Variants in AP1M2 observed in about 807,000 individuals in gnomAD.
AP1M2 encodes adaptor related protein complex 1 subunit mu 2, also known as AP-1 complex subunit mu-2.
A neutral mutation model predicts 54.6 loss-of-function variants in AP1M2; 41 were observed. That is an observed-to-expected ratio of 0.75 (90% CI 0.59 to 0.97). The LOEUF (loss-of-function observed/expected upper bound fraction) is 0.97, where lower values mean the gene tolerates loss of function less well. Ranked by LOEUF, AP1M2 falls within the 50% of genes least tolerant of loss-of-function variation. The probability of loss-of-function intolerance (pLI) is 0.00; values close to 1 mark genes in which losing one functional copy is unlikely to be tolerated. For missense variants in AP1M2, 507 were observed against 561.2 expected (o/e 0.90, Z 0.98); for synonymous variants, 219 against 215.9 (o/e 1.01, Z -0.13).
intron 9 of AP1M2, among the ~76,000 whole-genome samples, chr19:10,575,743 T>C (rs1289065125): frequency 1.6e-5 from 2 of 126,198 alleles, no homozygotes; most frequent in African/African-American, 6.2e-5. Context: ...CTTGTATTTC[T>C]TTTTTCTTTT....
At position 10,574,930 on chromosome 19, in the gene AP1M2, G is replaced by T; in HGVS notation, c.1147C>A (p.Pro383Thr). The T allele has an allele frequency of 1.2e-6, 2 of 1,603,672 alleles. No homozygotes were observed. The highest frequency in any genetic ancestry group is 1.7e-6 in the Non-Finnish European group (2 of 1,174,432). ...TGGATCCCAGAGACGGTGAAGTAGGGGATCTCAAACTTGACCCCGATGGGG... is the reference window on the plus strand; with the variant it reads ...TGGATCCCAGAGACGGTGAAGTAGGTGATCTCAAACTTGACCCCGATGGGG... ...RPPIGVKFEI[P>T]YFTVSGIQVR... The change falls in exon 10 of 12, where the codon CCC becomes ACC. Residue 383 changes from proline (P) to threonine (T), a missense_variant. By Grantham distance (38) the Pro-to-Thr change is conservative. Transcript: ENST00000250244.
intron 6 of AP1M2, among the ~76,000 whole-genome samples, chr19:10,580,078 G>GA (rs1917387923): frequency 9.0e-6 from 1 of 110,826 alleles, no homozygotes; most frequent in African/African-American, 3.7e-5. Flanking sequence ...TTGAGACAGA[G>GA]TTTCACTCTT....
In AP1M2 at chr19:10,584,606, G is replaced by A. The variant is rs1917570476; in HGVS notation, c.43-536C>T. The stretch of plus-strand genomic sequence containing the variant: ...AAGAAGAAAGAGAGAAAGAAAGAAA[G>A]AAAGAAAGTAAAGAAGGAAGGGAGG... On this transcript the variant is annotated intron_variant, in intron 1 of 11. Coordinates refer to ENST00000250244, the MANE Select transcript of AP1M2 (RefSeq NM_005498.5). Among the ~76,000 whole-genome samples the A allele has an allele frequency of 2.0e-5, 3 of 151,024 alleles. No individual in the cohort carries two copies. The Admixed American group carries it at 2.0e-4, about 10-fold the overall frequency.
rs1351988478 is a variant in AP1M2, at chr19:10,573,024, T to C, written c.*42A>G. ...TCCCTCTAAAATCTGCATCCGGGGC[T>C]GTAAGGAAGCCCCGTGTTCAAGCCC... On this transcript the variant is annotated 3_prime_UTR_variant, in exon 12 of 12. Coordinates refer to ENST00000250244, the MANE Select transcript of AP1M2 (RefSeq NM_005498.5). 4 of 1,551,708 alleles carry C rather than the reference T, an allele frequency of 2.6e-6. No individual in the cohort carries two copies. The highest frequency in any genetic ancestry group is 3.9e-5 in the Admixed American group (2 of 51,562).
At chr19:10,576,093 GTT>G (rs35332266) in intron 9 of AP1M2, among the ~76,000 whole-genome samples, 2 of 135,154 alleles carry the variant, frequency 1.5e-5, no homozygotes, top group African/African-American at 5.5e-5. Flanking sequence ...TTTTTTCTAA[GTT>G]TTTTTTTTTT....
intron 9 of AP1M2, among the ~76,000 whole-genome samples, chr19:10,576,706 CTT>C (rs751510668): frequency 1.3e-4 from 18 of 136,344 alleles, no homozygotes; most frequent in Admixed American, 2.2e-4. Context: ...GCCTTTTAAT[CTT>C]TTTTTTTTTT....
chr19:10,580,044 G>GTTTTTTT (rs59349358), intron 6 of AP1M2, among the ~76,000 whole-genome samples, 186 bp from the exon 7 acceptor site: 4 of 71,192 alleles, frequency 5.6e-5, no homozygotes, highest in Non-Finnish European at 7.9e-5. Context: ...ATCTGGCTTG[G>GTTTTTTT]TTTTTTTTTT....
rs1350407976 is a variant in AP1M2, at chr19:10,587,250, T to C, written c.-19A>G. ...CGGACATGGTGGCGGCCGAAGGACT[T>C]AGGAGTCGGGGAGGGAGCGCCGGGA... On this transcript the variant is annotated 5_prime_UTR_variant, in exon 1 of 12. Coordinates refer to ENST00000250244, the MANE Select transcript of AP1M2 (RefSeq NM_005498.5). 3.7e-5 allele frequency: 58 copies of C among 1,561,730 alleles called. No individual in the cohort carries two copies. Among genetic ancestry groups the C allele is most frequent in the Non-Finnish European group, 4.8e-5 (55 of 1,153,236 alleles).
Position 10,574,957 on chromosome 19 carries a change from G to A in AP1M2, c.1120C>T (p.Pro374Ser), listed in dbSNP as rs1917179787. The change falls in exon 10 of 12, where the codon CCC becomes TCC. Residue 374 changes from proline (P) to serine (S), a missense_variant. By Grantham distance (74) the Pro-to-Ser change is moderately conservative (BLOSUM62 -1). Transcript: ENST00000250244. ...SVEKEEVEGR[P>S]PIGVKFEIPY... Reference sequence around the variant, plus strand: ...ATCTCAAACTTGACCCCGATGGGGGGCCGGCCCTCCACCTCTTCCTTTTCC... The same window carrying A: ...ATCTCAAACTTGACCCCGATGGGGGACCGGCCCTCCACCTCTTCCTTTTCC... The A allele has an allele frequency of 1.3e-6, 2 of 1,592,736 alleles. No individual in the cohort carries two copies. The highest frequency in any genetic ancestry group is 1.3e-5 in the African/African-American group (1 of 74,272).
intron 8 of AP1M2, among the ~76,000 whole-genome samples, chr19:10,577,948 C>T (rs1183031417): frequency 6.6e-6 from 1 of 151,980 alleles, no homozygotes; most frequent in South Asian, 2.1e-4. Context: ...GTTGGTCAGG[C>T]TGGTCTGGAA....
intron 8 of AP1M2, among the ~76,000 whole-genome samples, chr19:10,578,200 A>G (rs1389457089): frequency 6.6e-6 from 1 of 152,134 alleles, no homozygotes; most frequent in Non-Finnish European, 1.5e-5. Context: ...CAGTTTCCTC[A>G]TCTGTAAAAT....
chr19:10,577,806 C>T (rs1205175253), intron 8 of AP1M2, among the ~76,000 whole-genome samples: 1 of 150,318 alleles, frequency 6.7e-6, no homozygotes, highest in East Asian at 2.0e-4. Flanking sequence ...GCACAATCTC[C>T]GCTCACGGCA....
chr19:10,583,335 G>A (rs567760058), intron 3 of AP1M2, among the ~76,000 whole-genome samples: 14 of 152,142 alleles, frequency 9.2e-5, no homozygotes, highest in African/African-American at 3.1e-4. Context: ...GATGGCGGAT[G>A]CACAGAGACT....
rs1917334084 is a variant in AP1M2 at position 10,578,882 on chromosome 19, C to T, written c.888+10G>A. 1 of 1,604,774 alleles carries T rather than the reference C, an allele frequency of 6.2e-7. No individual in the cohort carries two copies. The highest frequency in any genetic ancestry group is 1.7e-4 in the Middle Eastern group (1 of 6,044). Reference sequence around the variant, plus strand: ...CATGCATTGTTAATAAGCATTCCCCCAAGGCCCACCTTGACCATGATCTCC... The same window carrying T: ...CATGCATTGTTAATAAGCATTCCCCTAAGGCCCACCTTGACCATGATCTCC... On this transcript the variant is annotated intron_variant, in intron 8 of 11. Transcript: ENST00000250244.
Position 10,575,598 on chromosome 19 carries a change from C to G in AP1M2, c.1048-569G>C, listed in dbSNP as rs530003279. Reference sequence around the variant, plus strand: ...AATAGTGAGGAAGGTGAACCCAGGGCTGGTTTCCTCAAGACATTGGCAGGG... The same window carrying G: ...AATAGTGAGGAAGGTGAACCCAGGGGTGGTTTCCTCAAGACATTGGCAGGG... On this transcript the variant is annotated intron_variant, in intron 9 of 11. Coordinates refer to ENST00000250244, the MANE Select transcript of AP1M2 (RefSeq NM_005498.5). 2.6e-4 allele frequency among the ~76,000 whole-genome samples: 40 copies of G among 152,158 alleles called. No individual in the cohort carries two copies. In the South Asian group the frequency reaches 2.9e-3, roughly 11 times the overall value.
intron 3 of AP1M2, among the ~76,000 whole-genome samples, chr19:10,582,390 G>A (rs1468133547): frequency 1.3e-5 from 2 of 152,068 alleles, no homozygotes; most frequent in Non-Finnish European, 2.9e-5. Flanking sequence ...ATAGGAGTTC[G>A]AGGCTGCAGT....
rs117719127 is a variant in AP1M2 at position 10,578,342 on chromosome 19, C to T, written c.888+550G>A. 9.2e-3 allele frequency among the ~76,000 whole-genome samples: 1,402 copies of T among 151,926 alleles called. 12 individuals carry two copies. The highest frequency in any genetic ancestry group is 0.016 in the South Asian group (78 of 4,810). On this transcript the variant is annotated intron_variant, in intron 8 of 11. Transcript: ENST00000250244. ...CAGCACTTGGGGAGATGGAGGCAGGCGTGGCGGCAGGAGCCTGTAATCCCA... is the reference window on the plus strand; with the variant it reads ...CAGCACTTGGGGAGATGGAGGCAGGTGTGGCGGCAGGAGCCTGTAATCCCA...
Position 10,573,099 on chromosome 19 carries a change from A to T in AP1M2, c.1250-11T>A. 6.4e-7 allele frequency: 1 copy of T among 1,561,726 alleles called. No homozygotes were observed. The highest frequency in any genetic ancestry group is 8.7e-7 in the Non-Finnish European group (1 of 1,152,660). ...TACGAAGTTGGTAATCTGCAGAGAA[A>T]GAATGAGGAGGGGCCATCTCAGAAA... On this transcript the variant is annotated splice_polypyrimidine_tract_variant and intron_variant, in intron 11 of 11. Transcript: ENST00000250244.
At position 10,573,067 on chromosome 19, in the gene AP1M2, T is replaced by C. The variant is rs766948055; in HGVS notation, c.1271A>G (p.Ter424TrpextTer8). Residue 424 changes from the stop codon to tryptophan, a stop_lost, in exon 12 of 12, where the codon TAG becomes TGG. Transcript: ENST00000250244. ...QSGDYQLRTS[*>W] ...TCAAGCCCCCATCTCTTCTCCCTTC[T>C]AGCTGGTACGAAGTTGGTAATCTGC... is the stretch of plus-strand genomic sequence containing the variant. 24 of 1,564,452 alleles carry C rather than the reference T, an allele frequency of 1.5e-5. 1 individual carries two copies. The South Asian group carries it at 2.8e-4, about 18-fold the overall frequency.
Sources: gnomAD v4.1 joint callset for allele counts (sites outside exome capture counted in the v4.1 genomes callset) on GRCh38, gnomAD v4.1.1 for gene constraint, MANE v1.5 for transcripts, NCBI Gene and HGNC (gene_info 2026-07-23, HGNC 2026-07-21) for gene names.